The following LSM3 variants were observed in gnomAD, a reference collection of about 807,000 sequenced individuals.
LSM3 encodes the protein LSM3 homolog, U6 small nuclear RNA and mRNA degradation associated, also known as U6 snRNA-associated Sm-like protein LSm3.
A neutral mutation model predicts 15.4 loss-of-function variants in LSM3; 14 were observed. The ratio of observed to expected loss-of-function variants is 0.91; its 90% CI spans 0.60 to 1.42. The LOEUF is 1.42. LSM3 is among the 40% of genes most tolerant of loss of function. LSM3 has a pLI of 0.00. For synonymous variants in LSM3, 46 were observed against 45.1 expected (o/e 1.02, Z -0.08); for missense variants, 88 against 127.9 (o/e 0.69, Z 1.50).
intron 1 of LSM3, among the ~76,000 whole-genome samples, chr3:14,180,003 T>G (rs1415819874): frequency 1.3e-5 from 2 of 152,242 alleles, no homozygotes; most frequent in African/African-American, 4.8e-5. Context: ...CAAACACTTG[T>G]TGAACTGAGG....
rs1017559880 is a variant in LSM3, at chr3:14,180,302, T to G, written c.22-1258T>G. Among the ~76,000 whole-genome samples the G allele has an allele frequency of 5.3e-5, 8 of 152,156 alleles. No individual in the cohort carries two copies. The East Asian group carries it at 1.3e-3, about 26-fold the overall frequency. ...TCCTTTTTTTTTCTATTCTTTTCTT[T>G]TTTTTGGATGGAGTCTCACTCTATC... On this transcript the variant is annotated intron_variant, in intron 1 of 3. Transcript: ENST00000306024.
Position 14,198,508 on chromosome 3 carries a change from G to A in LSM3, c.*392G>A, listed in dbSNP as rs868293811. 2 of 193,066 alleles carry A rather than the reference G, an allele frequency of 1.0e-5. No homozygotes were observed. The highest frequency in any genetic ancestry group is 1.0e-4 in the South Asian group (1 of 10,010). 12.0% of individuals were successfully genotyped at this position (193,066 alleles called of 1,614,324 possible). Reference sequence around the variant, plus strand: ...TACCTTCACTTAGCACACATTTGCAGTGCACCTACTGTGTTTGAGGCACCA... The same window carrying A: ...TACCTTCACTTAGCACACATTTGCAATGCACCTACTGTGTTTGAGGCACCA... On this transcript the variant is annotated 3_prime_UTR_variant, in exon 4 of 4. Transcript: ENST00000306024.
chr3:14,185,388 C>T (rs947930254), intron 3 of LSM3, among the ~76,000 whole-genome samples: 1 of 151,994 alleles, frequency 6.6e-6, no homozygotes, highest in Non-Finnish European at 1.5e-5. Flanking sequence ...AAACCTATCA[C>T]GTGTTACTGT....
At position 14,198,310 on chromosome 3, in the gene LSM3, T is replaced by A; in HGVS notation, c.*194T>A. Reference sequence around the variant, plus strand: ...AAGCTAAATGGTATTTTCATTTTTCTCAAGCTCTCCAATAAATATGACCAC... The same window carrying A: ...AAGCTAAATGGTATTTTCATTTTTCACAAGCTCTCCAATAAATATGACCAC... On this transcript the variant is annotated 3_prime_UTR_variant, in exon 4 of 4. Coordinates refer to ENST00000306024, the MANE Select transcript of LSM3 (RefSeq NM_014463.3). The A allele has an allele frequency of 1.8e-6, 1 of 549,788 alleles. No individual in the cohort carries two copies. The highest frequency in any genetic ancestry group is 2.6e-5 in the South Asian group (1 of 38,344). 34.1% of individuals were successfully genotyped at this position (549,788 alleles called of 1,614,324 possible).
chr3:14,194,865 G>A (rs1697174088), intron 3 of LSM3, among the ~76,000 whole-genome samples: 1 of 139,574 alleles, frequency 7.2e-6, no homozygotes, highest in South Asian at 2.3e-4. Flanking sequence ...TCTTTCTCAG[G>A]AATTATTTAT....
At chr3:14,197,945 A>G in intron 3 of LSM3, 91 bp from the exon 4 acceptor site, 1 of 1,126,866 alleles carries the variant, frequency 8.9e-7, no homozygotes, top group Non-Finnish European at 1.3e-6. Flanking sequence ...TTTTTGTGTC[A>G]TGATGAATCC....
intron 1 of LSM3, among the ~76,000 whole-genome samples, chr3:14,180,469 C>T (rs147446091): frequency 4.0e-5 from 6 of 151,776 alleles, no homozygotes; most frequent in Non-Finnish European, 4.4e-5. Flanking sequence ...TTGTATTTTT[C>T]GTAGAGATGG....
At chr3:14,196,768 T>G (rs1343388827) in intron 3 of LSM3, among the ~76,000 whole-genome samples, 1 of 152,226 alleles carries the variant, frequency 6.6e-6, no homozygotes, top group Non-Finnish European at 1.5e-5. Context: ...AGGGCCAACT[T>G]CTATTATGCT....
At chr3:14,183,618 T>C (rs1171959549) in intron 2 of LSM3, among the ~76,000 whole-genome samples, 1 of 152,228 alleles carries the variant, frequency 6.6e-6, no homozygotes, top group East Asian at 1.9e-4. Context: ...CATAATTAAA[T>C]ATTATAAATG....
chr3:14,191,712 A>AT (rs148625010), intron 3 of LSM3, among the ~76,000 whole-genome samples: 1,536 of 150,554 alleles, frequency 0.01, 24 homozygotes, highest in African/African-American at 0.036. Flanking sequence ...TATTTTGTTG[A>AT]TTTTTTTCAA....
In LSM3 at chr3:14,193,608, CTA is replaced by C. The variant is rs1419824944; in HGVS notation, c.229-4426_229-4425del. 2.0e-5 allele frequency among the ~76,000 whole-genome samples: 3 copies of C among 152,282 alleles called. No homozygotes were observed. In the East Asian group the frequency reaches 5.8e-4, roughly 29 times the overall value. On this transcript the variant is annotated intron_variant, in intron 3 of 3. Coordinates refer to ENST00000306024, the MANE Select transcript of LSM3 (RefSeq NM_014463.3). ...GTTTATTCTTTGCGAAGTTCTTGTG[CTA>C]TGTTTTTCAGCTCCATCAGGCCATT...
At position 14,183,923 on chromosome 3, in the gene LSM3, C is replaced by T; in HGVS notation, c.133-14C>T. ...GATTATTAAATTTCTTGGTTCTGTA[C>T]CCTCCCACTTTAGGCTTATGATCAA... On this transcript the variant is annotated splice_polypyrimidine_tract_variant and intron_variant, in intron 2 of 3. Coordinates refer to ENST00000306024, the MANE Select transcript of LSM3 (RefSeq NM_014463.3). The T allele has an allele frequency of 6.3e-7, 1 of 1,585,226 alleles. No individual in the cohort carries two copies. The highest frequency in any genetic ancestry group is 8.6e-7 in the Non-Finnish European group (1 of 1,165,392).
intron 3 of LSM3, among the ~76,000 whole-genome samples, chr3:14,193,362 T>C (rs1245043402): frequency 6.6e-6 from 1 of 152,264 alleles, no homozygotes; most frequent in African/African-American, 2.4e-5. Flanking sequence ...GATAATATCC[T>C]GAAGAGTGTT....
Position 14,198,287 on chromosome 3 carries a change from G to A in LSM3, c.*171G>A. 1 of 563,790 alleles carries A rather than the reference G, an allele frequency of 1.8e-6. No individual in the cohort carries two copies. The highest frequency in any genetic ancestry group is 3.1e-6 in the Non-Finnish European group (1 of 318,858). 34.9% of individuals were successfully genotyped at this position (563,790 alleles called of 1,614,324 possible). The stretch of plus-strand genomic sequence containing the variant: ...TTGCAGATAACTCACAACTTCTTAA[G>A]CTAAATGGTATTTTCATTTTTCTCA... On this transcript the variant is annotated 3_prime_UTR_variant, in exon 4 of 4. Coordinates refer to ENST00000306024, the MANE Select transcript of LSM3 (RefSeq NM_014463.3).
intron 3 of LSM3, among the ~76,000 whole-genome samples, chr3:14,196,306 G>T (rs903614170): frequency 7.9e-5 from 12 of 152,040 alleles, no homozygotes; most frequent in African/African-American, 2.9e-4. Context: ...ACGATAGTGG[G>T]TGTTGCAGAA....
intron 1 of LSM3, among the ~76,000 whole-genome samples, chr3:14,180,121 T>TA (rs1163554628): frequency 6.6e-6 from 1 of 152,176 alleles, no homozygotes; most frequent in East Asian, 1.9e-4. Context: ...CTTGTGTACT[T>TA]ACTGAAGAAG....
chr3:14,198,069 C>A lies in LSM3; in HGVS notation c.262C>A (p.Arg88=), dbSNP rs770272858. ...ACGGAATATTCCAATGCTCTTTGTCCGGGGAGATGGCGTTGTCCTGGTTGC... is the reference window on the plus strand; with the variant it reads ...ACGGAATATTCCAATGCTCTTTGTCAGGGGAGATGGCGTTGTCCTGGTTGC... The part of the protein sequence containing the change: ...TKRNIPMLFV[R]GDGVVLVAPP... Residue 88 remains arginine, a synonymous_variant, in exon 4 of 4, where the codon CGG becomes AGG. Transcript: ENST00000306024. 6.2e-7 allele frequency: 1 copy of A among 1,613,404 alleles called. No individual in the cohort carries two copies. Among genetic ancestry groups the A allele is most frequent in the Non-Finnish European group, 8.5e-7 (1 of 1,179,788 alleles).
Position 14,181,647 on chromosome 3 carries a change from C to G in LSM3, c.109C>G (p.Arg37Gly), listed in dbSNP as rs139645084. 7 of 1,613,060 alleles carry G rather than the reference C, an allele frequency of 4.3e-6. No individual in the cohort carries two copies. The Admixed American group carries it at 1.0e-4, about 23-fold the overall frequency. The change falls in exon 2 of 4, where the codon CGA (arginine) becomes GGA (glycine). Residue 37 changes from arginine (R) to glycine (G), a missense_variant. By Grantham distance (125) the Arg-to-Gly change is moderately radical. Coordinates refer to ENST00000306024, the MANE Select transcript of LSM3 (RefSeq NM_014463.3). ...ERIYVKMRND[R>G]ELRGRLHAYD... Reference sequence around the variant, plus strand: ...AATTTATGTGAAAATGAGAAATGACCGAGAGCTTCGAGGCAGATTACATGT... The same window carrying G: ...AATTTATGTGAAAATGAGAAATGACGGAGAGCTTCGAGGCAGATTACATGT...
At chr3:14,180,279 C>T (rs1267902779) in intron 1 of LSM3, among the ~76,000 whole-genome samples, 2 of 150,990 alleles carry the variant, frequency 1.3e-5, no homozygotes, top group East Asian at 3.9e-4. Flanking sequence ...TTTTCTTTTC[C>T]TTTTTTTTTC....
Sources: allele counts gnomAD v4.1 joint callset (sites outside exome capture counted in the v4.1 genomes callset), GRCh38; gene constraint gnomAD v4.1.1; transcripts MANE v1.5; gene names NCBI Gene and HGNC (gene_info 2026-07-23, HGNC 2026-07-21).